DLG2: variants seen among roughly 807,000 people sequenced by gnomAD.
DLG2 encodes the protein disks large homolog 2.
In DLG2, 45 loss-of-function variants were observed where a neutral mutation model predicts 132.5. The ratio of observed to expected loss-of-function variants is 0.34; its 90% CI spans 0.27 to 0.44. The LOEUF is 0.44. DLG2 is among the 20% of genes least tolerant of loss of function. The pLI is 1.00. For synonymous variants in DLG2, 424 were observed against 419.6 expected (o/e 1.01, Z -0.13); for missense variants, 1,045 against 1,196.9 (o/e 0.87, Z 1.87).
chr11:85,359,374 C>A (rs551107490), intron 3 of DLG2, among the ~76,000 whole-genome samples: 7 of 152,118 alleles, frequency 4.6e-5, no homozygotes, highest in Non-Finnish European at 1.0e-4. Flanking sequence ...AAGTTCTCAA[C>A]CTTAAAGGGA....
chr11:85,597,606 G>A (rs1371841357), intron 3 of DLG2, among the ~76,000 whole-genome samples: 7 of 151,722 alleles, frequency 4.6e-5, no homozygotes, highest in East Asian at 1.9e-4. Context: ...TCAATAGACC[G>A]ATTTTCAAAT....
intron 8 of DLG2, among the ~76,000 whole-genome samples, chr11:84,190,171 A>T (rs1251231132): frequency 1.4e-5 from 2 of 147,924 alleles, no homozygotes; most frequent in Non-Finnish European, 1.5e-5. Flanking sequence ...AAAGTTAAGT[A>T]GTCAAAAAAA....
chr11:83,718,345 T>C (rs1225935970), intron 18 of DLG2, among the ~76,000 whole-genome samples: 1 of 151,954 alleles, frequency 6.6e-6, no homozygotes, highest in East Asian at 1.9e-4. Flanking sequence ...AAGACCAGCC[T>C]GGCCAAGATG....
At position 84,337,031 on chromosome 11, in the gene DLG2, TTGAGTC is replaced by T; in HGVS notation, c.520-85746_520-85741del. On this transcript the variant is annotated intron_variant, in intron 7 of 27. Transcript: ENST00000376104. ...TGAGATTTTATTGTAATTAACATGA[TTGAGTC>T]TGACATTCTTTATCAGGATAACTTT... 1.3e-5 allele frequency among the ~76,000 whole-genome samples: 2 copies of T among 152,330 alleles called. 1 individual carries two copies. The highest frequency in any genetic ancestry group is 6.8e-3 in the Middle Eastern group (2 of 294).
intron 4 of DLG2, among the ~76,000 whole-genome samples, chr11:85,200,725 C>G (rs2081396680): frequency 6.6e-6 from 1 of 152,120 alleles, no homozygotes; most frequent in Admixed American, 6.5e-5. Flanking sequence ...TGGAGATACA[C>G]ATGCTCATTA....
intron 9 of DLG2, among the ~76,000 whole-genome samples, chr11:84,118,869 ATCT>A (rs2154199369): frequency 6.6e-6 from 1 of 152,326 alleles, no homozygotes; most frequent in East Asian, 1.9e-4. Context: ...ATGTTGTTCT[ATCT>A]TGTACTTTAG....
At chr11:84,108,934 A>T (rs1419198833) in intron 9 of DLG2, among the ~76,000 whole-genome samples, 1 of 152,112 alleles carries the variant, frequency 6.6e-6, no homozygotes, top group Non-Finnish European at 1.5e-5. Context: ...TGGAAAAGAG[A>T]AGAATCAAAG....
At chr11:84,365,392 T>C (rs1008660706) in intron 7 of DLG2, among the ~76,000 whole-genome samples, 1 of 152,158 alleles carries the variant, frequency 6.6e-6, no homozygotes, top group African/African-American at 2.4e-5. Flanking sequence ...ATCTATTTGA[T>C]TCTTCTCTCT....
At chr11:84,422,802 T>C (rs2098955044) in intron 7 of DLG2, among the ~76,000 whole-genome samples, 1 of 152,196 alleles carries the variant, frequency 6.6e-6, no homozygotes, top group Admixed American at 6.5e-5. Flanking sequence ...AGTGACCACA[T>C]GGCATAGCTA....
At chr11:84,889,540 G>A (rs1310884351) in intron 6 of DLG2, among the ~76,000 whole-genome samples, 4 of 152,128 alleles carry the variant, frequency 2.6e-5, no homozygotes, top group African/African-American at 9.7e-5. Flanking sequence ...ACTGTCTGAA[G>A]GGACAAAAGT....
At chr11:83,523,132 A>G (rs1285025618) in intron 21 of DLG2, among the ~76,000 whole-genome samples, 2 of 152,200 alleles carry the variant, frequency 1.3e-5, no homozygotes, top group Non-Finnish European at 2.9e-5. Context: ...TGCAAGCTCA[A>G]CGGTATGACT....
intron 3 of DLG2, among the ~76,000 whole-genome samples, chr11:85,581,323 C>G (rs1045819027): frequency 6.6e-6 from 1 of 152,006 alleles, no homozygotes; most frequent in Non-Finnish European, 1.5e-5. Flanking sequence ...TTTGAGAACG[C>G]CTTCTCTGGC....
chr11:84,925,035 A>G (rs999091149), intron 6 of DLG2, among the ~76,000 whole-genome samples: 6 of 152,240 alleles, frequency 3.9e-5, no homozygotes, highest in Non-Finnish European at 7.3e-5. Context: ...CATGCAAAAC[A>G]TAGAAGAACT....
chr11:85,129,159 C>G (rs1452953711), intron 5 of DLG2, among the ~76,000 whole-genome samples: 1 of 152,160 alleles, frequency 6.6e-6, no homozygotes, highest in Non-Finnish European at 1.5e-5. Flanking sequence ...AAACTTGAAA[C>G]TGGACAGAAA....
At chr11:84,693,274 G>C (rs1179709686) in intron 6 of DLG2, among the ~76,000 whole-genome samples, 1 of 151,700 alleles carries the variant, frequency 6.6e-6, no homozygotes, top group Non-Finnish European at 1.5e-5. Context: ...ATATAGCATA[G>C]CACAAGGACT....
At chr11:84,576,701 T>A (rs140957318) in intron 6 of DLG2, among the ~76,000 whole-genome samples, 7 of 152,330 alleles carry the variant, frequency 4.6e-5, no homozygotes, top group Admixed American at 2.0e-4. Context: ...AAGTTTGAAT[T>A]GATAATTTTT....
At chr11:84,666,637 C>T (rs1322895298) in intron 6 of DLG2, among the ~76,000 whole-genome samples, 2 of 151,860 alleles carry the variant, frequency 1.3e-5, no homozygotes, top group African/African-American at 4.8e-5. Context: ...GCTCCATATG[C>T]AATTGGATGT....
intron 7 of DLG2, among the ~76,000 whole-genome samples, chr11:84,533,656 G>A (rs1390155953): frequency 6.6e-6 from 1 of 152,026 alleles, no homozygotes; most frequent in Non-Finnish European, 1.5e-5. Context: ...GAGAACACGG[G>A]AGACACTTTT....
chr11:83,846,832 T>C (rs2058697458), intron 16 of DLG2, among the ~76,000 whole-genome samples: 1 of 152,110 alleles, frequency 6.6e-6, no homozygotes, highest in Admixed American at 6.5e-5. Flanking sequence ...CCACCTCAAT[T>C]TGTTTTTGTC....
Sources: allele counts gnomAD v4.1 joint callset (sites outside exome capture counted in the v4.1 genomes callset), GRCh38; gene constraint gnomAD v4.1.1; transcripts MANE v1.5; gene names NCBI Gene and HGNC (gene_info 2026-07-23, HGNC 2026-07-21).